MEGF11: variants seen among roughly 807,000 people sequenced by gnomAD.
The protein encoded by MEGF11 is multiple EGF like domains 11, also known as multiple epidermal growth factor-like domains protein 11.
A neutral mutation model predicts 146.6 loss-of-function variants in MEGF11; 126 were observed. The observed-to-expected ratio is 0.86, with a 90% CI of 0.74 to 1.00. MEGF11 has a LOEUF of 1.00. Among genes scored for constraint, MEGF11 ranks in the 50% least tolerant of loss-of-function variants. The pLI is 0.00. For synonymous variants in MEGF11, 532 were observed against 583.4 expected (o/e 0.91, Z 1.27); for missense variants, 1,509 against 1,521.2 (o/e 0.99, Z 0.13).
chr15:65,967,756 G>A (rs2081157035), intron 8 of MEGF11, among the ~76,000 whole-genome samples: 1 of 152,168 alleles, frequency 6.6e-6, no homozygotes, highest in African/African-American at 2.4e-5. Flanking sequence ...CTGGCCTTGA[G>A]TGCTTCCTTC....
chr15:66,033,078 CAAAAAAAAAAAAAAAAAA>C (rs60932678), intron 5 of MEGF11, among the ~76,000 whole-genome samples: 2 of 80,644 alleles, frequency 2.5e-5, no homozygotes, highest in Non-Finnish European at 4.6e-5. Context: ...GAGACTCCAT[CAAAAAAAAAAAAAAAAAA>C]AAAAAAAAAG....
At chr15:65,929,921 G>T in intron 11 of MEGF11, 38 bp from the exon 12 acceptor site, 1 of 1,561,920 alleles carries the variant, frequency 6.4e-7, no homozygotes, top group Non-Finnish European at 8.7e-7. Flanking sequence ...TCTCCATCCA[G>T]GCCCAGTGTG....
At chr15:65,937,058 T>C (rs2079814882) in intron 10 of MEGF11, among the ~76,000 whole-genome samples, 1 of 152,192 alleles carries the variant, frequency 6.6e-6, no homozygotes, top group Non-Finnish European at 1.5e-5. Context: ...AGACAAGACC[T>C]TCTGAGCTGA....
intron 7 of MEGF11, 54 bp from the exon 8 acceptor site, chr15:65,970,743 T>A: frequency 6.4e-7 from 1 of 1,554,534 alleles, no homozygotes; most frequent in Admixed American, 1.9e-5. Flanking sequence ...TGCCAAACTT[T>A]CCTGGGAATG....
chr15:66,024,068 G>A (rs1228866601), intron 5 of MEGF11, among the ~76,000 whole-genome samples: 1 of 152,234 alleles, frequency 6.6e-6, no homozygotes, highest in Admixed American at 6.5e-5. Flanking sequence ...AGAACTGCAG[G>A]CTCAGGGTGG....
At chr15:66,210,798 G>T (rs373884205) in intron 1 of MEGF11, among the ~76,000 whole-genome samples, 6 of 152,188 alleles carry the variant, frequency 3.9e-5, no homozygotes, top group African/African-American at 1.4e-4. Flanking sequence ...ACATTAGAAT[G>T]AAAGGCAAAC....
At chr15:66,050,139 A>G (rs35151810) in intron 5 of MEGF11, among the ~76,000 whole-genome samples, 9,175 of 152,284 alleles carry the variant, frequency 0.06, 419 homozygotes, top group African/African-American at 0.12. Flanking sequence ...AGCTCACTGC[A>G]GCCTTCAACT....
At chr15:66,116,811 T>C (rs1348377936) in intron 4 of MEGF11, among the ~76,000 whole-genome samples, 4 of 152,210 alleles carry the variant, frequency 2.6e-5, no homozygotes, top group East Asian at 1.9e-4. Flanking sequence ...ACCCCCACTC[T>C]GTGCCTGGTG....
chr15:65,910,648 T>G (rs1373014171), intron 21 of MEGF11, among the ~76,000 whole-genome samples: 1 of 151,978 alleles, frequency 6.6e-6, no homozygotes, highest in Non-Finnish European at 1.5e-5. Context: ...AGGCTGAGAG[T>G]GGCCTTGGGG....
At chr15:66,023,140 C>CAAAA (rs375962533) in intron 5 of MEGF11, among the ~76,000 whole-genome samples, 12,289 of 123,098 alleles carry the variant, frequency 0.1, 879 homozygotes, top group Middle Eastern at 0.18. Context: ...GACTCCATCT[C>CAAAA]AAAAAAAAAA....
intron 5 of MEGF11, among the ~76,000 whole-genome samples, chr15:66,048,733 C>A (rs2084328805): frequency 6.6e-6 from 1 of 152,170 alleles, no homozygotes; most frequent in South Asian, 2.1e-4. Flanking sequence ...CCCAGATGGG[C>A]AAGTGAGTCC....
At chr15:66,190,068 G>T (rs1472888544) in intron 1 of MEGF11, among the ~76,000 whole-genome samples, 1 of 152,166 alleles carries the variant, frequency 6.6e-6, no homozygotes, top group Non-Finnish European at 1.5e-5. Context: ...GACGCTTTCA[G>T]AACTCCTGAA....
Position 65,957,672 on chromosome 15 carries a change from G to A in MEGF11, c.1162C>T (p.His388Tyr), listed in dbSNP as rs542710186. The change falls in exon 10 of 26, where the codon CAC becomes TAC. Residue 388 changes from histidine to tyrosine, a missense_variant. Coordinates refer to ENST00000395614, the MANE Select transcript of MEGF11 (RefSeq NM_001385028.1). Reference protein sequence around the residue: ...ACTCQPGWSGHHCNESCPVGY... With the variant: ...ACTCQPGWSGYHCNESCPVGY... ...ACAGGGCAGGATTCATTGCAGTGGT[G>A]ACCAGACCAGCCTGGCTGGCAGGTA... 9.9e-6 allele frequency: 16 copies of A among 1,613,922 alleles called. No homozygotes were observed. The highest frequency in any genetic ancestry group is 1.7e-5 in the Admixed American group (1 of 60,018).
rs1299223196 is a variant in MEGF11, at chr15:65,965,132, C to T, written c.900-12G>A. The stretch of plus-strand genomic sequence containing the variant: ...ACTCCTCTTGGCACCTGTGGGAGAG[C>T]AGAGTGGGGCTGAGGCTGTGGGCCA... On this transcript the variant is annotated splice_polypyrimidine_tract_variant and intron_variant, in intron 8 of 25. Transcript: ENST00000395614. The T allele has an allele frequency of 6.4e-7, 1 of 1,567,968 alleles. No homozygotes were observed. Among genetic ancestry groups the T allele is most frequent in the African/African-American group, 1.3e-5 (1 of 74,100 alleles).
At chr15:66,043,463 G>A (rs1440002620) in intron 5 of MEGF11, among the ~76,000 whole-genome samples, 1 of 152,260 alleles carries the variant, frequency 6.6e-6, no homozygotes, top group Non-Finnish European at 1.5e-5. Context: ...ACCACACTGC[G>A]TGGCCCAGAG....
chr15:65,973,043 G>A (rs2081343743), intron 7 of MEGF11, among the ~76,000 whole-genome samples: 1 of 152,098 alleles, frequency 6.6e-6, no homozygotes, highest in Non-Finnish European at 1.5e-5. Context: ...CTTGAACCTG[G>A]GAGGTGGAGG....
intron 5 of MEGF11, among the ~76,000 whole-genome samples, chr15:66,042,857 C>T (rs74021930): frequency 3.8e-4 from 58 of 152,180 alleles, no homozygotes; most frequent in African/African-American, 1.3e-3. Context: ...TCCAGTATGA[C>T]CTCATCTTAA....
chr15:66,158,208 C>A (rs1345768535), intron 1 of MEGF11, among the ~76,000 whole-genome samples: 1 of 152,240 alleles, frequency 6.6e-6, no homozygotes, highest in African/African-American at 2.4e-5. Context: ...AGAAGCACTG[C>A]TGAGGACACC....
At chr15:66,251,078 A>C (rs1161868035) in intron 1 of MEGF11, among the ~76,000 whole-genome samples, 1 of 152,152 alleles carries the variant, frequency 6.6e-6, no homozygotes, top group East Asian at 1.9e-4. Context: ...CCCTAAGTCT[A>C]GGCCTAGAAG....
Sources: gnomAD v4.1 joint callset for allele counts (sites outside exome capture counted in the v4.1 genomes callset) on GRCh38, gnomAD v4.1.1 for gene constraint, MANE v1.5 for transcripts, NCBI Gene and HGNC (gene_info 2026-07-23, HGNC 2026-07-21) for gene names.